The following CDH13 variants were observed in gnomAD, a reference collection of about 807,000 sequenced individuals.
The protein encoded by CDH13 is cadherin 13, also known as cadherin-13.
In CDH13, 24 loss-of-function variants were observed where a neutral mutation model predicts 63.8. That is an observed-to-expected ratio of 0.38 (90% confidence interval 0.27 to 0.53). The LOEUF is 0.53. CDH13 is among the 20% of genes least tolerant of loss of function. The pLI, the probability that CDH13 is intolerant of heterozygous loss-of-function variation, is 0.85. For synonymous variants in CDH13, 503 were observed against 355.3 expected, an observed-to-expected ratio of 1.42 and a Z score of -4.67; for missense variants, 1,049 against 903.1, an observed-to-expected ratio of 1.16 and a Z score of -2.07.
intron 1 of CDH13, among the ~76,000 whole-genome samples, chr16:82,765,668 C>G (rs868564021): frequency 8.9e-4 from 135 of 152,118 alleles, no homozygotes; most frequent in African/African-American, 2.9e-3. Context: ...AATGAAAAAG[C>G]ATTCTAAGGG....
chr16:82,789,831 A>G (rs1474235603), intron 1 of CDH13, among the ~76,000 whole-genome samples: 3 of 152,202 alleles, frequency 2.0e-5, no homozygotes, highest in South Asian at 2.1e-4. Flanking sequence ...AGCAGTTTCT[A>G]TGACTGACCA....
intron 3 of CDH13, among the ~76,000 whole-genome samples, chr16:83,073,960 A>G (rs2032638271): frequency 6.6e-6 from 1 of 152,212 alleles, no homozygotes; most frequent in Non-Finnish European, 1.5e-5. Flanking sequence ...AATATCCATC[A>G]TCACAATCAT....
chr16:82,758,942 C>G (rs903219725), intron 1 of CDH13, among the ~76,000 whole-genome samples: 3 of 152,222 alleles, frequency 2.0e-5, no homozygotes, highest in Non-Finnish European at 2.9e-5. Context: ...CCATAATTCT[C>G]TTTCTGCTAG....
intron 8 of CDH13, among the ~76,000 whole-genome samples, chr16:83,648,710 T>C (rs1260523887): frequency 2.0e-5 from 3 of 152,200 alleles, no homozygotes; most frequent in Non-Finnish European, 4.4e-5. Context: ...GAAAATTTCT[T>C]GTGCAAAAAT....
At chr16:82,738,052 T>A (rs1398159032) in intron 1 of CDH13, among the ~76,000 whole-genome samples, 1 of 152,204 alleles carries the variant, frequency 6.6e-6, no homozygotes, top group Non-Finnish European at 1.5e-5. Flanking sequence ...AGGCGCTGTG[T>A]TGTACAGCAG....
At chr16:83,745,579 T>C (rs1026922681) in intron 10 of CDH13, among the ~76,000 whole-genome samples, 3 of 152,140 alleles carry the variant, frequency 2.0e-5, no homozygotes, top group Admixed American at 2.0e-4. Context: ...AGGCTTGTGG[T>C]GACTGCATAG....
rs539890112 is a variant in CDH13 at position 83,602,478 on chromosome 16, C to T, written c.985C>T (p.Leu329=). The change falls in exon 8 of 14, where the codon CTG becomes TTG. Residue 329 remains leucine, a synonymous_variant. Transcript: ENST00000567109. ...RETLENPKYE[L]IIEAQDMAGL... ...GACTCTGGAAAATCCCAAGTATGAA[C>T]TGATCATCGAGGCTCAAGATATGGC... 3.7e-6 allele frequency: 6 copies of T among 1,613,852 alleles called. No individual in the cohort carries two copies. Among genetic ancestry groups the T allele is most frequent in the Non-Finnish European group, 3.4e-6 (4 of 1,179,836 alleles).
At chr16:83,133,948 C>T (rs1011526434) in intron 4 of CDH13, among the ~76,000 whole-genome samples, 8 of 152,298 alleles carry the variant, frequency 5.3e-5, no homozygotes, top group South Asian at 2.1e-4. Context: ...CACAGAGTAG[C>T]GACTCAAATA....
At chr16:83,526,992 C>T (rs1016746672) in intron 7 of CDH13, among the ~76,000 whole-genome samples, 8 of 151,978 alleles carry the variant, frequency 5.3e-5, no homozygotes, top group East Asian at 3.9e-4. Context: ...ATTAGGCAGG[C>T]GTGGTGGTGC....
chr16:83,080,647 T>C (rs7195626), intron 3 of CDH13, among the ~76,000 whole-genome samples: 2,508 of 152,194 alleles, frequency 0.016, 68 homozygotes, highest in African/African-American at 0.058. Flanking sequence ...GCTGAGAGTC[T>C]TGTGCCATTA....
At chr16:82,798,420 C>G (rs773128628) in intron 1 of CDH13, among the ~76,000 whole-genome samples, 1 of 152,062 alleles carries the variant, frequency 6.6e-6, no homozygotes, top group Non-Finnish European at 1.5e-5. Flanking sequence ...ATTTGTAGTT[C>G]TGCTTTCAAT....
At chr16:83,716,049 A>AT (rs1175552559) in intron 10 of CDH13, among the ~76,000 whole-genome samples, 2 of 152,050 alleles carry the variant, frequency 1.3e-5, no homozygotes, top group Non-Finnish European at 2.9e-5. Flanking sequence ...TGCTGAGTTC[A>AT]TTTTGTTTTC....
At chr16:83,256,412 A>G (rs17756260) in intron 5 of CDH13, among the ~76,000 whole-genome samples, 13,398 of 152,174 alleles carry the variant, frequency 0.088, 756 homozygotes, top group East Asian at 0.22. Flanking sequence ...CCTTGTCTTC[A>G]TTTTAAGTAT....
chr16:82,852,099 T>C (rs921918690), intron 1 of CDH13, among the ~76,000 whole-genome samples: 2 of 152,140 alleles, frequency 1.3e-5, no homozygotes, highest in African/African-American at 4.8e-5. Flanking sequence ...AACCTGAGAG[T>C]GTTCTCAACC....
At chr16:82,950,372 C>A (rs1388950968) in intron 2 of CDH13, among the ~76,000 whole-genome samples, 2 of 152,036 alleles carry the variant, frequency 1.3e-5, no homozygotes, top group African/African-American at 4.8e-5. Flanking sequence ...GTGTCCCCAC[C>A]CAAATCTCAT....
intron 1 of CDH13, among the ~76,000 whole-genome samples, chr16:82,851,446 AAAAAG>A (rs1455294390): frequency 0.043 from 1,049 of 24,514 alleles, 35 homozygotes; most frequent in African/African-American, 0.078. Flanking sequence ...AAAAAAAAAT[AAAAAG>A]AAAAAGAAAA....
At chr16:82,676,486 C>CTTTTTTTTTTTTTTTTTTTTTTTTTTT (rs11330492) in intron 1 of CDH13, among the ~76,000 whole-genome samples, 1 of 96,370 alleles carries the variant, frequency 1.0e-5, no homozygotes, top group Non-Finnish European at 2.0e-5. Flanking sequence ...ACCATCATTT[C>CTTTTTTTTTTTTTTTTTTTTTTTTTTT]TTTTTTTTTT....
chr16:83,744,212 G>A (rs940833839), intron 10 of CDH13, among the ~76,000 whole-genome samples: 9 of 152,292 alleles, frequency 5.9e-5, no homozygotes, highest in African/African-American at 2.2e-4. Context: ...AGATGGCAGA[G>A]CCGTCAGGGC....
chr16:83,417,056 C>A (rs7197578), intron 6 of CDH13, among the ~76,000 whole-genome samples: 55 of 152,234 alleles, frequency 3.6e-4, no homozygotes, highest in African/African-American at 1.3e-3. Context: ...GGGATTATTT[C>A]ACTTATCATG....
Sources: gnomAD v4.1 joint callset for allele counts (sites outside exome capture counted in the v4.1 genomes callset) on GRCh38, gnomAD v4.1.1 for gene constraint, MANE v1.5 for transcripts, NCBI Gene and HGNC (gene_info 2026-07-23, HGNC 2026-07-21) for gene names.